TLE6: variants seen among roughly 807,000 people sequenced by gnomAD.
TLE6 encodes the protein transducin-like enhancer protein 6.
In TLE6, 72 loss-of-function variants were observed where a neutral mutation model predicts 77.1. That is an observed-to-expected ratio of 0.93 (90% confidence interval 0.77 to 1.14). The LOEUF (loss-of-function observed/expected upper bound fraction) is 1.14, where lower values mean the gene tolerates loss of function less well. TLE6 is among the 50% of genes most tolerant of loss of function. The pLI is 0.00. For missense variants in TLE6, 843 were observed against 747.6 expected (o/e 1.13, Z -1.49); for synonymous variants, 366 against 287.3 (o/e 1.27, Z -2.77).
In TLE6 at chr19:2,994,951, C is replaced by G. The variant is rs1192521316; in HGVS notation, c.1666C>G (p.Leu556Val). The G allele has an allele frequency of 1.9e-6, 3 of 1,609,682 alleles. No homozygotes were observed. The highest frequency in any genetic ancestry group is 2.5e-6 in the Non-Finnish European group (3 of 1,178,354). Residue 556 changes from leucine to valine, a missense_variant, in exon 17 of 17, where the codon CTC (leucine) becomes GTC (valine). Physicochemically the swap from Leu to Val is conservative, Grantham distance 32. Coordinates refer to ENST00000246112, the MANE Select transcript of TLE6 (RefSeq NM_001143986.2). ...CTGTGACGTCTCTTCCAACAACCGC[C>G]TCGTTGTCACAGGCTCCGGGGAGCA... The part of the protein sequence containing the change: ...TCCDVSSNNR[L>V]VVTGSGEHAS...
rs558500447 is a variant in TLE6, at chr19:2,989,871, C to T, written c.1244+86C>T. 1,086 of 1,547,420 alleles carry T rather than the reference C, an allele frequency of 7.0e-4. 5 individuals carry two copies. The highest frequency in any genetic ancestry group is 2.3e-3 in the East Asian group (100 of 44,322). ...CCACCTTACTGCTACCACCTCTGCC[C>T]GCCTTCCTGCCACCTCCTGAACCTG... On this transcript the variant is annotated intron_variant, in intron 13 of 16. Coordinates refer to ENST00000246112, the MANE Select transcript of TLE6 (RefSeq NM_001143986.2).
At chr19:2,994,155 A>G in intron 16 of TLE6, 60 bp downstream of exon 16, 1 of 1,406,156 alleles carries the variant, frequency 7.1e-7, no homozygotes. Flanking sequence ...AGCCTGGGCA[A>G]CACAGCAAGA....
chr19:2,984,601 G>A (rs2088869927), intron 5 of TLE6, among the ~76,000 whole-genome samples: 1 of 152,032 alleles, frequency 6.6e-6, no homozygotes, highest in South Asian at 2.1e-4. Flanking sequence ...CCAAGTAGCT[G>A]GGATTACAGG....
intron 16 of TLE6, among the ~76,000 whole-genome samples, chr19:2,994,366 T>C (rs1038334495): frequency 1.3e-5 from 2 of 152,056 alleles, no homozygotes; most frequent in Non-Finnish European, 1.5e-5. Flanking sequence ...ATCCCAGCAC[T>C]TTGGGAGGCC....
In TLE6 at chr19:2,989,731, G is replaced by A; in HGVS notation, c.1190G>A (p.Ser397Asn). 1 of 1,614,238 alleles carries A rather than the reference G, an allele frequency of 6.2e-7. No homozygotes were observed. Among genetic ancestry groups the A allele is most frequent in the Non-Finnish European group, 8.5e-7 (1 of 1,180,048 alleles). Residue 397 changes from serine to asparagine, a missense_variant, in exon 13 of 17, where the codon AGC becomes AAC. Physicochemically the swap from Ser to Asn is conservative, Grantham distance 46. Transcript: ENST00000246112. ...CTGGATGCCAACCTGGCCTTCGCCAGCTTCACCAGTGGTGTGGTCAGGATC... is the reference window on the plus strand; with the variant it reads ...CTGGATGCCAACCTGGCCTTCGCCAACTTCACCAGTGGTGTGGTCAGGATC... Reference protein sequence around the residue: ...ANLDANLAFASFTSGVVRIWD... With the variant: ...ANLDANLAFANFTSGVVRIWD...
At position 2,987,138 on chromosome 19, in the gene TLE6, C is replaced by A; in HGVS notation, c.441C>A (p.Phe147Leu). The A allele has an allele frequency of 1.2e-6, 2 of 1,614,082 alleles. No individual in the cohort carries two copies. The highest frequency in any genetic ancestry group is 1.7e-6 in the Non-Finnish European group (2 of 1,180,032). The change falls in exon 7 of 17, where the codon TTC (phenylalanine) becomes TTA (leucine). Residue 147 changes from phenylalanine (F) to leucine (L), a missense_variant. Physicochemically the swap from Phe to Leu is conservative, Grantham distance 22. Coordinates refer to ENST00000246112, the MANE Select transcript of TLE6 (RefSeq NM_001143986.2). ...GEDNQPETQL[F>L]WDKEPWFWHD... is the part of the protein sequence containing the mutation. ...ACAATCAGCCGGAGACCCAGCTGTT[C>A]TGGGACAAGGAGCCTTGGTTTTGGC...
At chr19:2,985,389 T>G (rs1436415406) in intron 5 of TLE6, among the ~76,000 whole-genome samples, 2 of 146,536 alleles carry the variant, frequency 1.4e-5, no homozygotes, top group Admixed American at 6.9e-5. Flanking sequence ...GCTGTTTTGC[T>G]GCTTGAAGCC....
chr19:2,986,022 C>T (rs577844564), intron 5 of TLE6, among the ~76,000 whole-genome samples: 2 of 121,602 alleles, frequency 1.6e-5, no homozygotes, highest in African/African-American at 3.2e-5. Flanking sequence ...TGCAGTGAGC[C>T]GAGATCACAT....
chr19:2,981,090 T>C (rs2088788655), intron 3 of TLE6, among the ~76,000 whole-genome samples: 1 of 148,826 alleles, frequency 6.7e-6, no homozygotes, highest in South Asian at 2.1e-4. Flanking sequence ...GCGCGGTGGC[T>C]CAAGCCTGTT....
At chr19:2,988,833 G>A (rs1301870877) in intron 11 of TLE6, 2 of 628,468 alleles carry the variant, frequency 3.2e-6, no homozygotes, top group Non-Finnish European at 5.4e-6. Flanking sequence ...TTCCTCCTGG[G>A]GCAAAGCAGT....
chr19:2,992,344 T>A (rs997518020), intron 14 of TLE6, among the ~76,000 whole-genome samples: 2 of 152,160 alleles, frequency 1.3e-5, no homozygotes, highest in African/African-American at 4.8e-5. Context: ...TGGTGGCACA[T>A]GCCTATAATC....
At chr19:2,991,425 C>CACACACACACACACAT (rs1300185737) in intron 13 of TLE6, among the ~76,000 whole-genome samples, 2 of 135,558 alleles carry the variant, frequency 1.5e-5, no homozygotes, top group African/African-American at 5.7e-5. Context: ...CACACACACA[C>CACACACACACACACAT]ATATATATAA....
chr19:2,993,791 C>G (rs1020874636), intron 15 of TLE6, among the ~76,000 whole-genome samples: 1 of 151,894 alleles, frequency 6.6e-6, no homozygotes, highest in South Asian at 2.1e-4. Context: ...CCCACCGGCG[C>G]GGTCCGCCTC....
At chr19:2,981,394 T>A (rs2088795092) in intron 3 of TLE6, 144 bp from the exon 4 acceptor site, 2 of 738,590 alleles carry the variant, frequency 2.7e-6, no homozygotes, top group African/African-American at 1.8e-5. Context: ...TTACTGAACT[T>A]CTTGACACTG....
intron 3 of TLE6, 132 bp from the exon 4 acceptor site, chr19:2,981,406 C>G: frequency 1.2e-6 from 1 of 851,472 alleles, no homozygotes; most frequent in Non-Finnish European, 1.9e-6. Context: ...TTGACACTGC[C>G]TTAAATTTGG....
chr19:2,979,669 G>A (rs1046350717), intron 2 of TLE6, among the ~76,000 whole-genome samples: 2 of 151,948 alleles, frequency 1.3e-5, no homozygotes, highest in Non-Finnish European at 2.9e-5. Flanking sequence ...GGCCGGGCGC[G>A]GTGGTTCATG....
intron 12 of TLE6, 27 bp downstream of exon 12, chr19:2,989,340 T>C (rs2088990022): frequency 1.2e-6 from 2 of 1,608,658 alleles, no homozygotes; most frequent in Admixed American, 1.7e-5. Context: ...TTTCCAGGGA[T>C]GCAGGGCTTC....
chr19:2,987,493 G>A, intron 8 of TLE6, 121 bp downstream of exon 8: 1 of 1,450,468 alleles, frequency 6.9e-7, no homozygotes, highest in Non-Finnish European at 9.6e-7. Flanking sequence ...TGCCCCTCGG[G>A]TCCCCCGGGG....
At position 2,989,538 on chromosome 19, in the gene TLE6, C is replaced by T; in HGVS notation, c.997C>T (p.Pro333Ser). ...ACAGTGACTCTGCCCATCCCAGACCCCTGGGGCCTTCCTGCGCACCTGCCT... is the reference window on the plus strand; with the variant it reads ...ACAGTGACTCTGCCCATCCCAGACCTCTGGGGCCTTCCTGCGCACCTGCCT... ...FPESHLPIQT[P>S]GAFLRTCLLS... Residue 333 changes from proline to serine, a missense_variant, in exon 13 of 17, where the codon CCT (proline) becomes TCT (serine). By Grantham distance (74) the Pro-to-Ser change is moderately conservative. Coordinates refer to ENST00000246112, the MANE Select transcript of TLE6 (RefSeq NM_001143986.2). 2 of 1,611,636 alleles carry T rather than the reference C, an allele frequency of 1.2e-6. No homozygotes were observed. The highest frequency in any genetic ancestry group is 8.5e-7 in the Non-Finnish European group (1 of 1,179,500).
Sources: gnomAD v4.1 joint callset for allele counts (sites outside exome capture counted in the v4.1 genomes callset) on GRCh38, gnomAD v4.1.1 for gene constraint, MANE v1.5 for transcripts, NCBI Gene and HGNC (gene_info 2026-07-23, HGNC 2026-07-21) for gene names.